The following ERMP1 variants were observed in gnomAD, a reference collection of about 807,000 sequenced individuals.
ERMP1 encodes endoplasmic reticulum metallopeptidase 1.
A neutral mutation model predicts 92.0 loss-of-function variants in ERMP1; 86 were observed. The ratio of observed to expected loss-of-function variants is 0.93; its 90% CI spans 0.79 to 1.12. The LOEUF (loss-of-function observed/expected upper bound fraction) is 1.12, where lower values mean the gene tolerates loss of function less well. Ranked by LOEUF, ERMP1 falls within the 50% of genes most tolerant of loss-of-function variation. The pLI is 0.00. For missense variants in ERMP1, 1,342 were observed against 1,116.3 expected (o/e 1.20, Z -2.88); for synonymous variants, 530 against 412.8 (o/e 1.28, Z -3.44).
At position 5,798,801 on chromosome 9, in the gene ERMP1, C is replaced by G. The variant is rs1420000952; in HGVS notation, c.2270+5G>C. 1 of 1,606,828 alleles carries G rather than the reference C, an allele frequency of 6.2e-7. No individual in the cohort carries two copies. On this transcript the variant is annotated splice_donor_5th_base_variant and intron_variant, in intron 12 of 14. Transcript: ENST00000339450. ...TAACCTTAAGCAGAAAAATAATGAA[C>G]CAACCTGATCAGAAAGTGCACTGGA... is the stretch of plus-strand genomic sequence containing the variant.
rs186458691 is a variant in ERMP1, at chr9:5,819,362, T to C, written c.874+4534A>G. 8.1e-4 allele frequency among the ~76,000 whole-genome samples: 109 copies of C among 135,350 alleles called. 1 individual carries two copies. Among genetic ancestry groups the C allele is most frequent in the Admixed American group, 6.8e-3 (91 of 13,418 alleles). 88.8% of individuals were successfully genotyped at this position (135,350 alleles called of 152,430 possible). On this transcript the variant is annotated intron_variant, in intron 4 of 14. Transcript: ENST00000339450. ...GCCAGGGAAGGCCATGAAGGGAGGGTTCTCATGCACAAATGCCTGATAACA... is the reference window on the plus strand; with the variant it reads ...GCCAGGGAAGGCCATGAAGGGAGGGCTCTCATGCACAAATGCCTGATAACA...
At chr9:5,861,011 T>G (rs986650939) in intron 5 of ERMP1, among the ~76,000 whole-genome samples, 1 of 152,174 alleles carries the variant, frequency 6.6e-6, no homozygotes, top group Non-Finnish European at 1.5e-5. Flanking sequence ...CCTCCAGTAC[T>G]ATGAGCCCAT....
intron 13 of ERMP1, among the ~76,000 whole-genome samples, chr9:5,795,506 G>A (rs147561547): frequency 9.2e-4 from 140 of 152,346 alleles, no homozygotes; most frequent in Admixed American, 5.4e-3. Context: ...TAGGCTGGGC[G>A]CGGTGGCTCA....
At chr9:5,864,607 G>T (rs753592917) in intron 5 of ERMP1, among the ~76,000 whole-genome samples, 1 of 152,192 alleles carries the variant, frequency 6.6e-6, no homozygotes, top group East Asian at 1.9e-4. Context: ...TTCCTCAGGG[G>T]GTGGTAGAGA....
intron 6 of ERMP1, among the ~76,000 whole-genome samples, chr9:5,859,341 C>T (rs1416565808): frequency 6.6e-6 from 1 of 152,138 alleles, no homozygotes; most frequent in Non-Finnish European, 1.5e-5. Context: ...TTCCCCAACC[C>T]TCATAACATT....
At chr9:5,796,433 A>T (rs954255004) in intron 13 of ERMP1, among the ~76,000 whole-genome samples, 1 of 152,080 alleles carries the variant, frequency 6.6e-6, no homozygotes, top group African/African-American at 2.4e-5. Flanking sequence ...CAGCAATCAC[A>T]CTCCTAAGCA....
chr9:5,866,383 G>A (rs1830662499), intron 5 of ERMP1, among the ~76,000 whole-genome samples: 1 of 152,234 alleles, frequency 6.6e-6, no homozygotes, highest in African/African-American at 2.4e-5. Flanking sequence ...TAAGTAGGCA[G>A]AGGATTGTTG....
intron 6 of ERMP1, among the ~76,000 whole-genome samples, chr9:5,843,064 T>C (rs1460619882): frequency 3.3e-5 from 5 of 152,246 alleles, no homozygotes; most frequent in Non-Finnish European, 7.3e-5. Context: ...AGTGCTATTA[T>C]GTCAGCAAGG....
At chr9:5,815,292 G>C (rs1342044821) in intron 4 of ERMP1, among the ~76,000 whole-genome samples, 1 of 152,086 alleles carries the variant, frequency 6.6e-6, no homozygotes, top group Non-Finnish European at 1.5e-5. Flanking sequence ...CTGATTCCAG[G>C]TCTGGGACTA....
chr9:5,816,898 C>T lies in ERMP1; in HGVS notation c.875-3863G>A, dbSNP rs12235535. Among the ~76,000 whole-genome samples the T allele has an allele frequency of 1.3e-3, 171 of 135,154 alleles. 3 individuals carry two copies. The highest frequency in any genetic ancestry group is 9.3e-3 in the Admixed American group (125 of 13,398). The allele number at this position is 135,154 out of a possible 152,430, so 88.7% of individuals were successfully genotyped here. On this transcript the variant is annotated intron_variant, in intron 4 of 14. Transcript: ENST00000339450. ...AGATCATCTAACTACAGAGCCTATG[C>T]TTTTTTTTTTTTTTTTTGGTGACAG...
upstream of ERMP1, among the ~76,000 whole-genome samples, chr9:5,837,381 A>G (rs1014466828): frequency 5.3e-5 from 8 of 152,220 alleles, no homozygotes; most frequent in East Asian, 9.6e-4. Context: ...TTCAGAATCA[A>G]ATATCAACAA....
At chr9:5,818,565 A>G (rs1341271339) in intron 4 of ERMP1, among the ~76,000 whole-genome samples, 1 of 152,102 alleles carries the variant, frequency 6.6e-6, no homozygotes, top group East Asian at 1.9e-4. Flanking sequence ...AAAGTAAAAA[A>G]CTGGCTGGGC....
chr9:5,816,087 T>TA (rs1028127834), intron 4 of ERMP1, among the ~76,000 whole-genome samples: 2 of 151,844 alleles, frequency 1.3e-5, no homozygotes, highest in Non-Finnish European at 2.9e-5. Flanking sequence ...GAAGAGAGGT[T>TA]AAAAAAAATG....
At chr9:5,832,572 G>C in intron 1 of ERMP1, 118 bp downstream of exon 1, 7 of 776,154 alleles carry the variant, frequency 9.0e-6, no homozygotes, top group Non-Finnish European at 1.1e-5. Flanking sequence ...CAGCCTGGGA[G>C]GGGTCAGCGA....
At chr9:5,805,829 T>C in intron 8 of ERMP1, 44 bp from the exon 9 acceptor site, 1 of 1,444,700 alleles carries the variant, frequency 6.9e-7, no homozygotes. Context: ...TCAGGGGTCA[T>C]GCATAAAGAG....
intron 6 of ERMP1, among the ~76,000 whole-genome samples, chr9:5,845,141 G>C (rs1283708337): frequency 6.7e-5 from 1 of 14,902 alleles, no homozygotes; most frequent in African/African-American, 8.9e-5. Flanking sequence ...GAAACTTTCA[G>C]TGTTTTTTTT....
At chr9:5,863,967 G>C (rs531428158) in intron 5 of ERMP1, among the ~76,000 whole-genome samples, 8 of 152,210 alleles carry the variant, frequency 5.3e-5, no homozygotes, top group African/African-American at 1.9e-4. Flanking sequence ...TAGGTATTTA[G>C]ATCATTTCCA....
At chr9:5,823,201 C>T (rs945353686) in intron 4 of ERMP1, among the ~76,000 whole-genome samples, 3 of 152,100 alleles carry the variant, frequency 2.0e-5, no homozygotes, top group African/African-American at 7.2e-5. Flanking sequence ...AGGAGAACCA[C>T]TTGAACCCAG....
intron 1 of ERMP1, among the ~76,000 whole-genome samples, chr9:5,832,085 TAAAAA>T (rs71487835): frequency 2.9e-5 from 4 of 135,828 alleles, no homozygotes; most frequent in Non-Finnish European, 6.4e-5. Flanking sequence ...TTAAAGGTCT[TAAAAA>T]AAAAAAAAAA....
Sources: allele counts gnomAD v4.1 joint callset (sites outside exome capture counted in the v4.1 genomes callset), GRCh38; gene constraint gnomAD v4.1.1; transcripts MANE v1.5; gene names NCBI Gene and HGNC (gene_info 2026-07-23, HGNC 2026-07-21).